FYN: variants seen among roughly 807,000 people sequenced by gnomAD.
FYN encodes tyrosine-protein kinase Fyn.
Under a neutral mutation model 70.2 loss-of-function variants are expected in FYN, and 10 were observed. The ratio of observed to expected loss-of-function variants is 0.14; its 90% CI spans 0.09 to 0.24. The LOEUF is 0.24. Ranked by LOEUF, FYN falls within the 10% of genes least tolerant of loss-of-function variation. FYN has a pLI of 1.00. For synonymous variants in FYN, 236 were observed against 248.6 expected (o/e 0.95, Z 0.48); for missense variants, 319 against 673.1 (o/e 0.47, Z 5.82).
At position 111,700,186 on chromosome 6, in the gene FYN, G is replaced by A; in HGVS notation, c.780C>T (p.Thr260=). The change falls in exon 9 of 14, where the codon ACC becomes ACT. Residue 260 remains threonine, a synonymous_variant. Transcript: ENST00000354650. ...CTCGAGGGATTTCCCAGACATCTTT[G>A]GTTTTGACAGACAGATCGGTAAGCC... ...MPRLTDLSVK[T]KDVWEIPRES... is the part of the protein sequence containing the mutation. 6.2e-7 allele frequency: 1 copy of A among 1,614,046 alleles called. No individual in the cohort carries two copies. Among genetic ancestry groups the A allele is most frequent in the Non-Finnish European group, 8.5e-7 (1 of 1,179,974 alleles).
intron 9 of FYN, among the ~76,000 whole-genome samples, chr6:111,698,310 T>G (rs553516429): frequency 8.5e-5 from 13 of 152,220 alleles, no homozygotes; most frequent in African/African-American, 3.1e-4. Flanking sequence ...ATTTTGTATT[T>G]TTAGTAGAGG....
intron 2 of FYN, among the ~76,000 whole-genome samples, chr6:111,795,902 G>A (rs115570060): frequency 5.8e-4 from 89 of 152,250 alleles, no homozygotes; most frequent in African/African-American, 2.1e-3. Flanking sequence ...CCTGAGAGTA[G>A]GTTGAGATTG....
intron 2 of FYN, among the ~76,000 whole-genome samples, chr6:111,828,076 G>A (rs576035156): frequency 6.6e-6 from 1 of 152,198 alleles, no homozygotes; most frequent in South Asian, 2.1e-4. Context: ...AGTTGACTGT[G>A]TACCCTGAGA....
At chr6:111,792,010 G>C (rs1257166677) in intron 2 of FYN, among the ~76,000 whole-genome samples, 1 of 150,538 alleles carries the variant, frequency 6.6e-6, no homozygotes, top group Non-Finnish European at 1.5e-5. Context: ...CACAAAAAGT[G>C]TTAACCACGA....
intron 12 of FYN, among the ~76,000 whole-genome samples, chr6:111,679,986 G>C (rs1798716748): frequency 1.3e-5 from 2 of 152,068 alleles, no homozygotes. Flanking sequence ...TTAATAGACT[G>C]GATTAAGAAT....
intron 8 of FYN, 56 bp from the exon 9 acceptor site, chr6:111,700,324 A>G (rs1284314435): frequency 1.3e-6 from 2 of 1,579,896 alleles, no homozygotes; most frequent in Admixed American, 3.4e-5. Context: ...ACATGTAATG[A>G]CAACACTCAT....
At chr6:111,743,062 T>A (rs1583394699) in intron 3 of FYN, among the ~76,000 whole-genome samples, 1 of 149,828 alleles carries the variant, frequency 6.7e-6, no homozygotes, top group Admixed American at 6.7e-5. Flanking sequence ...TGCCTCCCGG[T>A]TTCAAGCAAT....
At chr6:111,682,944 T>G (rs1798838626) in intron 12 of FYN, among the ~76,000 whole-genome samples, 1 of 152,156 alleles carries the variant, frequency 6.6e-6, no homozygotes. Context: ...AGTCCCTGAG[T>G]TGCACTGGCA....
intron 1 of FYN, among the ~76,000 whole-genome samples, chr6:111,867,283 C>T (rs1774134316): frequency 6.6e-6 from 1 of 151,886 alleles, no homozygotes; most frequent in South Asian, 2.1e-4. Context: ...ACCAGCCTGG[C>T]CAACGTGGCG....
chr6:111,751,618 C>T (rs1389652661), intron 3 of FYN, among the ~76,000 whole-genome samples: 2 of 113,786 alleles, frequency 1.8e-5, no homozygotes, highest in Non-Finnish European at 3.4e-5. Context: ...TGTCTCCATT[C>T]AAATTCTTTC....
In FYN at chr6:111,873,410, C is replaced by A. The variant is rs907408013; in HGVS notation, c.-565G>T. ...TGGCGCAACTGCAACGACGCGCCGC[C>A]GCCACCAGCGCGGCTGCTCGCTGCT... is the stretch of plus-strand genomic sequence containing the variant. On this transcript the variant is annotated 5_prime_UTR_variant, in exon 1 of 14. Coordinates refer to ENST00000354650, the MANE Select transcript of FYN (RefSeq NM_002037.5). 2 of 151,838 alleles carry A rather than the reference C, an allele frequency of 1.3e-5. No homozygotes were observed. The highest frequency in any genetic ancestry group is 1.5e-5 in the Non-Finnish European group (1 of 67,924). 9.4% of individuals were successfully genotyped at this position (151,838 alleles called of 1,614,324 possible).
At chr6:111,734,190 C>A (rs781559523) in intron 3 of FYN, among the ~76,000 whole-genome samples, 5 of 152,182 alleles carry the variant, frequency 3.3e-5, no homozygotes, top group Admixed American at 6.5e-5. Context: ...AGACCTTTTG[C>A]ACACATTGAG....
intron 2 of FYN, among the ~76,000 whole-genome samples, chr6:111,808,386 G>A (rs1772218708): frequency 6.6e-6 from 1 of 152,168 alleles, no homozygotes; most frequent in South Asian, 2.1e-4. Flanking sequence ...AAGGCTGAAG[G>A]GGCAAGGTGA....
chr6:111,840,190 G>A (rs935352077), intron 2 of FYN, among the ~76,000 whole-genome samples: 2 of 152,196 alleles, frequency 1.3e-5, no homozygotes, highest in Non-Finnish European at 2.9e-5. Context: ...GGTATGTTAG[G>A]CAGAAAATGC....
At chr6:111,743,951 G>T (rs941328492) in intron 3 of FYN, among the ~76,000 whole-genome samples, 4 of 152,122 alleles carry the variant, frequency 2.6e-5, no homozygotes, top group African/African-American at 9.7e-5. Flanking sequence ...ATGAACCCTG[G>T]GTCTCCAAGC....
At chr6:111,716,517 C>T (rs1462947898) in intron 4 of FYN, among the ~76,000 whole-genome samples, 4 of 152,088 alleles carry the variant, frequency 2.6e-5, no homozygotes, top group Admixed American at 6.5e-5. Context: ...GGGTCTCCCA[C>T]TAGTTGATAC....
At chr6:111,811,568 T>A (rs544965497) in intron 2 of FYN, among the ~76,000 whole-genome samples, 46 of 152,306 alleles carry the variant, frequency 3.0e-4, no homozygotes, top group African/African-American at 1.1e-3. Flanking sequence ...GCCCCACCCT[T>A]ATCCCCTTCT....
chr6:111,749,532 A>G (rs1027101494), intron 3 of FYN, among the ~76,000 whole-genome samples: 1 of 152,220 alleles, frequency 6.6e-6, no homozygotes, highest in Non-Finnish European at 1.5e-5. Context: ...AAAATATTCT[A>G]AAATATCCTC....
At chr6:111,760,104 G>A (rs72942145) in intron 3 of FYN, among the ~76,000 whole-genome samples, 1,705 of 151,874 alleles carry the variant, frequency 0.011, 20 homozygotes, top group South Asian at 0.038. Context: ...CACGATATGC[G>A]TCACCCATAC....
Sources: allele counts gnomAD v4.1 joint callset (sites outside exome capture counted in the v4.1 genomes callset), GRCh38; gene constraint gnomAD v4.1.1; transcripts MANE v1.5; gene names NCBI Gene and HGNC (gene_info 2026-07-23, HGNC 2026-07-21).